AVEN: variants seen among roughly 807,000 people sequenced by gnomAD.
AVEN encodes apoptosis and caspase activation inhibitor, also known as cell death regulator Aven.
AVEN carries 41 observed loss-of-function variants against 38.1 expected under a neutral mutation model. That is an observed-to-expected ratio of 1.08 (90% CI 0.84 to 1.40). The LOEUF (loss-of-function observed/expected upper bound fraction) is 1.40. Ranked by LOEUF, AVEN falls within the 40% of genes most tolerant of loss-of-function variation. AVEN has a pLI of 0.00. For missense variants in AVEN, 605 were observed against 438.8 expected, an observed-to-expected ratio of 1.38 and a Z score of -3.38; for synonymous variants, 206 against 171.8, an observed-to-expected ratio of 1.20 and a Z score of -1.56.
At chr15:34,021,116 G>T (rs1898180948) in intron 1 of AVEN, among the ~76,000 whole-genome samples, 1 of 152,178 alleles carries the variant, frequency 6.6e-6, no homozygotes, top group African/African-American at 2.4e-5. Flanking sequence ...CCCCGATGAA[G>T]AGTCTATAAA....
rs191963393 is a variant in AVEN at position 33,897,017 on chromosome 15, C to T, written c.446-21022G>A. Among the ~76,000 whole-genome samples, 394 of 152,248 alleles carry T rather than the reference C, an allele frequency of 2.6e-3. 2 individuals carry two copies. Among genetic ancestry groups the T allele is most frequent in the South Asian group, 0.016 (75 of 4,824 alleles). On this transcript the variant is annotated intron_variant, in intron 2 of 5. Coordinates refer to ENST00000306730, the MANE Select transcript of AVEN (RefSeq NM_020371.3). Reference sequence around the variant, plus strand: ...AACAGACTTCCAGTAAGTGCAACAACATAGATGAATCGCCAATGCATTATG... The same window carrying T: ...AACAGACTTCCAGTAAGTGCAACAATATAGATGAATCGCCAATGCATTATG...
At chr15:33,940,641 A>G (rs1193216639) in intron 2 of AVEN, among the ~76,000 whole-genome samples, 1 of 152,106 alleles carries the variant, frequency 6.6e-6, no homozygotes, top group African/African-American at 2.4e-5. Context: ...TCTCGGGTTC[A>G]AGCGATTCTC....
chr15:33,864,675 GA>G, downstream of AVEN: 1 of 175,880 alleles, frequency 5.7e-6, no homozygotes, highest in African/African-American at 2.4e-5. Context: ...AACAAGGGAG[GA>G]AAAAGTCAGT....
intron 1 of AVEN, among the ~76,000 whole-genome samples, chr15:34,015,224 C>G (rs1897833387): frequency 6.6e-6 from 1 of 152,172 alleles, no homozygotes; most frequent in Non-Finnish European, 1.5e-5. Flanking sequence ...TGGCTCACGC[C>G]TGTAATCCCA....
chr15:33,857,543 C>G (rs1294575387), downstream of AVEN, among the ~76,000 whole-genome samples: 1 of 152,014 alleles, frequency 6.6e-6, no homozygotes, highest in Non-Finnish European at 1.5e-5. Context: ...ACAATTCAGC[C>G]CCCAACACCC....
chr15:34,055,271 G>T (rs1393503641), intron 5 of AVEN, among the ~76,000 whole-genome samples: 1 of 151,842 alleles, frequency 6.6e-6, no homozygotes, highest in East Asian at 1.9e-4. Context: ...GCCGAGGTGG[G>T]TGGATCTCTT....
chr15:33,906,320 G>C (rs1214061256), intron 2 of AVEN, among the ~76,000 whole-genome samples: 1 of 152,160 alleles, frequency 6.6e-6, no homozygotes, highest in Non-Finnish European at 1.5e-5. Context: ...AGATTAACTG[G>C]TTCAACCACC....
At chr15:33,870,304 C>A (rs748919609) in intron 4 of AVEN, among the ~76,000 whole-genome samples, 37 of 151,996 alleles carry the variant, frequency 2.4e-4, no homozygotes, top group Non-Finnish European at 4.9e-4. Flanking sequence ...TGCAGACTTA[C>A]CCCCACACAT....
chr15:33,852,400 CA>C, the AVEN span: 1 of 152,136 alleles, frequency 6.6e-6, no homozygotes, highest in Admixed American at 6.6e-5. Context: ...GAAGAAAGAT[CA>C]TCTCTCTGGG....
At chr15:34,073,262 C>G (rs1446772191) in intron 1 of AVEN, among the ~76,000 whole-genome samples, 1 of 110,484 alleles carries the variant, frequency 9.1e-6, no homozygotes, top group South Asian at 2.8e-4. Context: ...TCCCTGTGTT[C>G]GCCAGGATGG....
chr15:34,071,715 C>G (rs1372060766), intron 1 of AVEN, among the ~76,000 whole-genome samples: 2 of 152,166 alleles, frequency 1.3e-5, no homozygotes, highest in Non-Finnish European at 2.9e-5. Context: ...TAGTGCACTG[C>G]AGTGGAAAAC....
chr15:33,905,191 A>G (rs1016512227), intron 2 of AVEN, among the ~76,000 whole-genome samples: 14 of 135,262 alleles, frequency 1.0e-4, no homozygotes, highest in Non-Finnish European at 2.2e-4. Context: ...TGTTTAAACT[A>G]ATTAGGTGTC....
intron 2 of AVEN, chr15:33,990,574 A>G (rs1394473201): frequency 6.6e-6 from 1 of 152,236 alleles, no homozygotes; most frequent in Admixed American, 6.5e-5. Flanking sequence ...TAAATTATCT[A>G]ATAATAAACA....
intron 2 of AVEN, among the ~76,000 whole-genome samples, chr15:33,876,602 G>A (rs1342577993): frequency 6.6e-6 from 1 of 151,974 alleles, no homozygotes; most frequent in Non-Finnish European, 1.5e-5. Flanking sequence ...TAAAGCCTCT[G>A]AATAATATAA....
At chr15:33,997,552 A>G (rs998674109) in intron 2 of AVEN, among the ~76,000 whole-genome samples, 6 of 152,008 alleles carry the variant, frequency 3.9e-5, no homozygotes, top group Admixed American at 3.9e-4. Context: ...CCAAATCTCA[A>G]CGTCAAACAT....
intron 2 of AVEN, among the ~76,000 whole-genome samples, chr15:33,960,911 A>G (rs1223343368): frequency 6.6e-6 from 1 of 152,248 alleles, no homozygotes; most frequent in African/African-American, 2.4e-5. Context: ...GGACTAAAGT[A>G]CCAATCTTAT....
At chr15:33,989,513 A>G (rs1896627227) in intron 2 of AVEN, among the ~76,000 whole-genome samples, 3 of 151,968 alleles carry the variant, frequency 2.0e-5, no homozygotes, top group Non-Finnish European at 4.4e-5. Context: ...ACGCCCACCA[A>G]GTGTTCCTTC....
chr15:34,038,546 C>A (rs114411704), intron 1 of AVEN, among the ~76,000 whole-genome samples: 2 of 151,992 alleles, frequency 1.3e-5, no homozygotes, highest in South Asian at 2.1e-4. Context: ...CCTCCTACCC[C>A]CACTGTCTCG....
At chr15:33,925,367 A>C (rs1893571327) in intron 2 of AVEN, among the ~76,000 whole-genome samples, 1 of 152,224 alleles carries the variant, frequency 6.6e-6, no homozygotes, top group Non-Finnish European at 1.5e-5. Context: ...ATACCCACAG[A>C]ATTAAGATAA....
Sources: allele counts gnomAD v4.1 joint callset (sites outside exome capture counted in the v4.1 genomes callset), GRCh38; gene constraint gnomAD v4.1.1; transcripts MANE v1.5; gene names NCBI Gene and HGNC (gene_info 2026-07-23, HGNC 2026-07-21).